The following ITGB1BP1 variants were observed in gnomAD, a reference collection of about 807,000 sequenced individuals.
ITGB1BP1 encodes the protein integrin subunit beta 1 binding protein 1, also known as integrin beta-1-binding protein 1.
Under a neutral mutation model 28.0 loss-of-function variants are expected in ITGB1BP1, and 20 were observed. That is an observed-to-expected ratio of 0.71 (90% CI 0.50 to 1.04). The LOEUF is 1.04. Ranked by LOEUF, ITGB1BP1 falls within the 50% of genes least tolerant of loss-of-function variation. The pLI, the probability that ITGB1BP1 is intolerant of heterozygous loss-of-function variation, is 0.00. For synonymous variants in ITGB1BP1, 103 were observed against 89.5 expected (o/e 1.15, Z -0.85); for missense variants, 228 against 242.5 (o/e 0.94, Z 0.40).
In ITGB1BP1 at chr2:9,423,410, G is replaced by C; in HGVS notation, c.-73C>G. ...GGCCCATCCCCGGGTTGCGGACTTC[G>C]GGGTCCGCGTGGGAGTGCCGCGGCC... On this transcript the variant is annotated 5_prime_UTR_variant, in exon 1 of 7. Transcript: ENST00000355346. The C allele has an allele frequency of 1.7e-6, 2 of 1,143,104 alleles. No individual in the cohort carries two copies. The highest frequency in any genetic ancestry group is 2.2e-6 in the Non-Finnish European group (2 of 921,484). The allele number at this position is 1,143,104 out of a possible 1,614,324, so 70.8% of individuals were successfully genotyped here.
rs937239113 is a variant in ITGB1BP1, at chr2:9,409,582, C to T, written c.289-1377G>A. 4.6e-5 allele frequency among the ~76,000 whole-genome samples: 7 copies of T among 152,298 alleles called. No individual in the cohort carries two copies. The South Asian group carries it at 1.2e-3, about 27-fold the overall frequency. On this transcript the variant is annotated intron_variant, in intron 4 of 6. Coordinates refer to ENST00000355346, the MANE Select transcript of ITGB1BP1 (RefSeq NM_004763.5). The stretch of plus-strand genomic sequence containing the variant: ...CTTTTATGGTTAAGACCACACTGAA[C>T]GTTGCGGCTCGTTCTTGGAACTACA...
chr2:9,417,225 A>T (rs987805018), intron 2 of ITGB1BP1, among the ~76,000 whole-genome samples: 1 of 151,992 alleles, frequency 6.6e-6, no homozygotes, highest in Admixed American at 6.6e-5. Context: ...CGCCCAGGCC[A>T]CGCTGGTCTC....
chr2:9,422,826 C>G (rs1680061661), intron 1 of ITGB1BP1: 1 of 986,116 alleles, frequency 1.0e-6, no homozygotes, highest in South Asian at 4.7e-5. Flanking sequence ...GATAACAGCC[C>G]CTTTCAAACG....
At chr2:9,421,313 C>T (rs771564820) in intron 1 of ITGB1BP1, among the ~76,000 whole-genome samples, 35 of 152,242 alleles carry the variant, frequency 2.3e-4, no homozygotes, top group Non-Finnish European at 4.7e-4. Context: ...CATCATCAAC[C>T]CAGCGGCTTA....
intron 4 of ITGB1BP1, among the ~76,000 whole-genome samples, chr2:9,409,893 G>A (rs1678102674): frequency 7.0e-6 from 1 of 142,202 alleles, no homozygotes; most frequent in African/African-American, 2.6e-5. Flanking sequence ...TGCCCAGGCT[G>A]GAGTGCAATG....
chr2:9,406,548 G>C lies in ITGB1BP1; in HGVS notation c.*286C>G. ...TTCAGTGTGTGTTTGTCACTGAGTG[G>C]ACCTCTGTGACACCTAGGCTTCTGT... is the stretch of plus-strand genomic sequence containing the variant. On this transcript the variant is annotated 3_prime_UTR_variant, in exon 7 of 7. Transcript: ENST00000355346. The C allele has an allele frequency of 3.0e-6, 1 of 333,860 alleles. No homozygotes were observed. Among genetic ancestry groups the C allele is most frequent in the South Asian group, 3.0e-5 (1 of 33,826 alleles). 20.7% of individuals were successfully genotyped at this position (333,860 alleles called of 1,614,324 possible). A position where few individuals can be genotyped will look rare whatever the true frequency, so the allele number is the denominator to read the frequency against.
intron 1 of ITGB1BP1, chr2:9,422,617 G>A (rs1320445962): frequency 3.0e-6 from 3 of 985,412 alleles, no homozygotes; most frequent in Admixed American, 6.1e-5. Context: ...GCTGCACGCT[G>A]GTCAAAGGCG....
chr2:9,422,966 C>T (rs1354939098), intron 1 of ITGB1BP1: 2 of 986,362 alleles, frequency 2.0e-6, no homozygotes, highest in Admixed American at 6.1e-5. Context: ...TGCTTGGCAC[C>T]TGTCTGTCAC....
At chr2:9,412,566 A>G in intron 3 of ITGB1BP1, 161 bp from the exon 4 acceptor site, 1 of 590,252 alleles carries the variant, frequency 1.7e-6, no homozygotes, top group Non-Finnish European at 2.9e-6. Context: ...AAGAACTTAA[A>G]ATTTCACTAA....
rs1224647994 is a variant in ITGB1BP1, at chr2:9,423,471, A to G, written c.-134T>C. On this transcript the variant is annotated 5_prime_UTR_variant, in exon 1 of 7. Coordinates refer to ENST00000355346, the MANE Select transcript of ITGB1BP1 (RefSeq NM_004763.5). The stretch of plus-strand genomic sequence containing the variant: ...AGGCAGCTACTCCCGTTCCCGCTCC[A>G]GCGCCGGCTTTTCCAGCCCTCCTGC... 2.5e-6 allele frequency: 3 copies of G among 1,183,706 alleles called. No individual in the cohort carries two copies. Among genetic ancestry groups the G allele is most frequent in the African/African-American group, 3.3e-5 (2 of 61,094 alleles). 73.3% of individuals were successfully genotyped at this position (1,183,706 alleles called of 1,614,324 possible).
intron 1 of ITGB1BP1, chr2:9,422,521 A>C (rs1680017737): frequency 1.0e-6 from 1 of 985,358 alleles, no homozygotes; most frequent in Non-Finnish European, 1.2e-6. Context: ...CTGGGATCTC[A>C]AGGCTGGGGT....
chr2:9,420,904 A>G (rs939994593), intron 1 of ITGB1BP1, among the ~76,000 whole-genome samples: 4 of 152,212 alleles, frequency 2.6e-5, no homozygotes, highest in Non-Finnish European at 4.4e-5. Flanking sequence ...GGATAAGGGT[A>G]AAAAGTGAGA....
intron 1 of ITGB1BP1, chr2:9,422,710 A>AC: frequency 1.0e-6 from 1 of 985,484 alleles, no homozygotes; most frequent in South Asian, 4.7e-5. Flanking sequence ...GGGAGGTGAC[A>AC]CCCCAACAGC....
chr2:9,418,604 G>A, intron 2 of ITGB1BP1, 22 bp downstream of exon 2: 1 of 1,492,994 alleles, frequency 6.7e-7, no homozygotes, highest in South Asian at 1.1e-5. Context: ...TTATGATTCT[G>A]TTCCAAATTC....
chr2:9,423,449 C>G lies in ITGB1BP1; in HGVS notation c.-112G>C. On this transcript the variant is annotated 5_prime_UTR_variant, in exon 1 of 7. Transcript: ENST00000355346. Reference sequence around the variant, plus strand: ...AGTGCCGCGGCCTTTGGCGCCCAGGCAGCTACTCCCGTTCCCGCTCCAGCG... The same window carrying G: ...AGTGCCGCGGCCTTTGGCGCCCAGGGAGCTACTCCCGTTCCCGCTCCAGCG... 8.6e-7 allele frequency: 1 copy of G among 1,159,508 alleles called. No individual in the cohort carries two copies. The highest frequency in any genetic ancestry group is 1.1e-6 in the Non-Finnish European group (1 of 933,296). 71.8% of individuals were successfully genotyped at this position (1,159,508 alleles called of 1,614,324 possible). A position where few individuals can be genotyped will look rare whatever the true frequency, so the allele number is the denominator to read the frequency against.
intron 3 of ITGB1BP1, among the ~76,000 whole-genome samples, chr2:9,413,360 A>T (rs1428240392): frequency 6.6e-6 from 1 of 151,682 alleles, no homozygotes; most frequent in Non-Finnish European, 1.5e-5. Context: ...ATGGAGTCTT[A>T]TTCTGTCACC....
chr2:9,421,037 T>G (rs1458745454), intron 1 of ITGB1BP1, among the ~76,000 whole-genome samples: 4 of 152,188 alleles, frequency 2.6e-5, no homozygotes, highest in Non-Finnish European at 5.9e-5. Context: ...TAGGTTAACG[T>G]AGCAGCATAA....
rs73150994 is a variant in ITGB1BP1 at position 9,404,260 on chromosome 2, G to C, written c.*2574C>G. 6.6e-6 allele frequency: 1 copy of C among 152,170 alleles called. No individual in the cohort carries two copies. Among genetic ancestry groups the C allele is most frequent in the African/African-American group, 2.4e-5 (1 of 41,422 alleles). 9.4% of individuals were successfully genotyped at this position (152,170 alleles called of 1,614,324 possible). A position where few individuals can be genotyped will look rare whatever the true frequency, so the allele number is the denominator to read the frequency against. ...TCTAGCCCAGGAGAATGTTTACTCA[G>C]TTTAGTGTCTTGTATTTCTATAATA... is the stretch of plus-strand genomic sequence containing the variant. On this transcript the variant is annotated 3_prime_UTR_variant, in exon 7 of 7. Coordinates refer to ENST00000355346, the MANE Select transcript of ITGB1BP1 (RefSeq NM_004763.5).
intron 3 of ITGB1BP1, among the ~76,000 whole-genome samples, chr2:9,413,846 C>A (rs536347476): frequency 2.0e-5 from 3 of 152,232 alleles, no homozygotes; most frequent in African/African-American, 7.2e-5. Flanking sequence ...TCTTCTGCCA[C>A]CCCATTTCTT....
Sources: allele counts gnomAD v4.1 joint callset (sites outside exome capture counted in the v4.1 genomes callset), GRCh38; gene constraint gnomAD v4.1.1; transcripts MANE v1.5; gene names NCBI Gene and HGNC (gene_info 2026-07-23, HGNC 2026-07-21).